The following DENND1C variants were observed in gnomAD, a reference collection of about 807,000 sequenced individuals.
DENND1C encodes DENN domain containing 1C, also known as DENN domain-containing protein 1C.
A neutral mutation model predicts 87.9 loss-of-function variants in DENND1C; 64 were observed. That is an observed-to-expected ratio of 0.73 (90% CI 0.60 to 0.90). The LOEUF is 0.90. DENND1C is among the 40% of genes least tolerant of loss of function. DENND1C has a pLI of 0.00. For synonymous variants in DENND1C, 384 were observed against 424.4 expected (o/e 0.90, Z 1.17); for missense variants, 980 against 1,037.0 (o/e 0.95, Z 0.76).
Position 6,468,339 on chromosome 19 carries a change from C to T in DENND1C, c.1686G>A (p.Glu562=). The T allele has an allele frequency of 6.2e-7, 1 of 1,613,868 alleles. No homozygotes were observed. Among genetic ancestry groups the T allele is most frequent in the Non-Finnish European group, 8.5e-7 (1 of 1,179,804 alleles). The change falls in exon 22 of 23, where the codon GAG becomes GAA. Residue 562 remains glutamate, a synonymous_variant. Coordinates refer to ENST00000381480, the MANE Select transcript of DENND1C (RefSeq NM_024898.4). ...GSGEELDLLS[E]ILDSLSMGAK... ...CTCCCATGCTAAGACTGTCCAGAATCTCGCTCAACAAATCCAGTTCTTCTC... is the reference window on the plus strand; with the variant it reads ...CTCCCATGCTAAGACTGTCCAGAATTTCGCTCAACAAATCCAGTTCTTCTC...
Position 6,472,924 on chromosome 19 carries a change from G to A in DENND1C, c.1123C>T (p.His375Tyr), listed in dbSNP as rs913045790. The A allele has an allele frequency of 3.8e-5, 60 of 1,592,652 alleles. No homozygotes were observed. The highest frequency in any genetic ancestry group is 4.8e-5 in the Non-Finnish European group (56 of 1,170,682). The change falls in exon 15 of 23, where the codon CAC becomes TAC. Residue 375 changes from histidine to tyrosine, a missense_variant. By Grantham distance (83) the His-to-Tyr change is moderately conservative. Coordinates refer to ENST00000381480, the MANE Select transcript of DENND1C (RefSeq NM_024898.4). ...AGCTGCAGGTGCACAGCCCGCCGGT[G>A]GAAGGCCTGCAGAGGTGCCCCAGGC... ...QKPGAPLQAF[H>Y]RRAVHLQLFK...
Position 6,475,912 on chromosome 19 carries a change from C to T in DENND1C, c.704G>A (p.Cys235Tyr), listed in dbSNP as rs2092857154. The T allele has an allele frequency of 6.4e-7, 1 of 1,570,400 alleles. No homozygotes were observed. The highest frequency in any genetic ancestry group is 2.3e-5 in the East Asian group (1 of 43,688). ...STLTSCVHASCALLYPMRWEH... is the reference protein window; with the variant it reads ...STLTSCVHASYALLYPMRWEH... ...CCAGCGCATGGGGTACAGGAGCGCG[C>T]AGGACGCGTGGACGCACGAGGTCAG... Residue 235 changes from cysteine to tyrosine, a missense_variant, in exon 11 of 23, where the codon TGC (cysteine) becomes TAC (tyrosine). By Grantham distance (194) the Cys-to-Tyr change is radical (BLOSUM62 -2). Coordinates refer to ENST00000381480, the MANE Select transcript of DENND1C (RefSeq NM_024898.4).
In DENND1C at chr19:6,471,314, AG is replaced by A. The variant is rs764482645; in HGVS notation, c.1250-10del. On this transcript the variant is annotated splice_polypyrimidine_tract_variant and intron_variant, in intron 16 of 22. Coordinates refer to ENST00000381480, the MANE Select transcript of DENND1C (RefSeq NM_024898.4). ...ATAGGATCGAAGGGCCCCTGGGGTA[AG>A]GAGAGAGTGTGGTGGTCACCGAAGG... 51 of 1,597,342 alleles carry A rather than the reference AG, an allele frequency of 3.2e-5. 1 individual carries two copies. In the South Asian group the frequency reaches 5.7e-4, roughly 18 times the overall value.
chr19:6,468,594 C>G lies in DENND1C; in HGVS notation c.1567G>C (p.Glu523Gln), dbSNP rs1050454693. Residue 523 changes from glutamate (E) to glutamine (Q), a missense_variant, in exon 21 of 23, where the codon GAG becomes CAG. Physicochemically the swap from Glu to Gln is conservative, Grantham distance 29 (BLOSUM62 2). Transcript: ENST00000381480. ...TTGCCTTACCCCGCCCCTGGGGGCT[C>G]GGAAGTTCCCTCTTCCAGCTGGCGT... ...RRRQLEEGTS[E>Q]PPGAGTPPLS... 3 of 1,526,210 alleles carry G rather than the reference C, an allele frequency of 2.0e-6. No individual in the cohort carries two copies. Among genetic ancestry groups the G allele is most frequent in the Non-Finnish European group, 1.8e-6 (2 of 1,139,084 alleles). The allele number at this position is 1,526,210 out of a possible 1,614,324, so 94.5% of individuals were successfully genotyped here.
rs1195448350 is a variant in DENND1C, at chr19:6,470,363, C to A, written c.1294G>T (p.Gly432Cys). The change falls in exon 18 of 23, where the codon GGT (glycine) becomes TGT (cysteine). Residue 432 changes from glycine (G) to cysteine (C), a missense_variant. Transcript: ENST00000381480. The part of the protein sequence containing the change: ...YQLWADNLKK[G>C]GGALLHSVKA... ...ACTGAGTGCAGGAGGGCGCCACCAC[C>A]TTTCTGCGGGAGAGAAGATACCAAG... 1 of 1,612,578 alleles carries A rather than the reference C, an allele frequency of 6.2e-7. No homozygotes were observed.
chr19:6,475,599 G>A lies in DENND1C; in HGVS notation c.826-14C>T, dbSNP rs759351233. The A allele has an allele frequency of 2.5e-6, 4 of 1,613,998 alleles. No individual in the cohort carries two copies. The South Asian group carries it at 3.3e-5, about 13-fold the overall frequency. On this transcript the variant is annotated splice_polypyrimidine_tract_variant and intron_variant, in intron 12 of 22. Transcript: ENST00000381480. ...TTCTCGTACTCTCTGCGGAAAAGCG[G>A]GGTCGGCCGCTCAGAGCCCGGGAGT...
chr19:6,481,732 C>CA lies in DENND1C; in HGVS notation c.-38dup. The CA allele has an allele frequency of 6.5e-7, 1 of 1,541,292 alleles. No homozygotes were observed. The highest frequency in any genetic ancestry group is 8.7e-7 in the Non-Finnish European group (1 of 1,147,360). On this transcript the variant is annotated 5_prime_UTR_variant, in exon 1 of 23. Transcript: ENST00000381480. Reference sequence around the variant, plus strand: ...GGCCAGCCCAGCGGGGCCCTCTCCCCAGGGGTCCTGGGGGCCTGTGTATGC... The same window carrying CA: ...GGCCAGCCCAGCGGGGCCCTCTCCCCAAGGGGTCCTGGGGGCCTGTGTATGC...
intron 14 of DENND1C, among the ~76,000 whole-genome samples, chr19:6,475,065 C>CAAACAAA (rs753588743): frequency 1.3e-5 from 2 of 148,992 alleles, no homozygotes; most frequent in Non-Finnish European, 3.0e-5. Context: ...AACAAACAAA[C>CAAACAAA]AACAACAACA....
chr19:6,476,929 C>T lies in DENND1C; in HGVS notation c.606G>A (p.Glu202=). ...LTELVVAVTD[E]NIVGLFAALL... is the part of the protein sequence containing the mutation. Reference sequence around the variant, plus strand: ...GCGCCGCGAACAGCCCCACGATGTTCTCGTCAGTCACGGCCACCACCAGCT... The same window carrying T: ...GCGCCGCGAACAGCCCCACGATGTTTTCGTCAGTCACGGCCACCACCAGCT... Residue 202 remains glutamate, a synonymous_variant, in exon 10 of 23, where the codon GAG becomes GAA. Coordinates refer to ENST00000381480, the MANE Select transcript of DENND1C (RefSeq NM_024898.4). 3 of 1,613,610 alleles carry T rather than the reference C, an allele frequency of 1.9e-6. No homozygotes were observed. Among genetic ancestry groups the T allele is most frequent in the Non-Finnish European group, 2.5e-6 (3 of 1,179,802 alleles).
rs747003613 is a variant in DENND1C, at chr19:6,468,342, G to C, written c.1683C>G (p.Ser561Arg). ...CCATGCTAAGACTGTCCAGAATCTCGCTCAACAAATCCAGTTCTTCTCCAG... is the reference window on the plus strand; with the variant it reads ...CCATGCTAAGACTGTCCAGAATCTCCCTCAACAAATCCAGTTCTTCTCCAG... Reference protein sequence around the residue: ...LGSGEELDLLSEILDSLSMGA... With the variant: ...LGSGEELDLLREILDSLSMGA... The change falls in exon 22 of 23, where the codon AGC (serine) becomes AGG (arginine). Residue 561 changes from serine (S) to arginine (R), a missense_variant. Transcript: ENST00000381480. The C allele has an allele frequency of 1.9e-6, 3 of 1,613,788 alleles. No homozygotes were observed. The East Asian group carries it at 6.7e-5, about 36-fold the overall frequency.
At chr19:6,471,177 C>G in intron 17 of DENND1C, 88 bp downstream of exon 17, 4 of 1,524,682 alleles carry the variant, frequency 2.6e-6, no homozygotes, top group Non-Finnish European at 2.7e-6. Flanking sequence ...AACTTCTGGT[C>G]GCAGCAATCC....
chr19:6,475,969 G>A, intron 10 of DENND1C, 32 bp from the exon 11 acceptor site: 1 of 1,516,950 alleles, frequency 6.6e-7, no homozygotes. Context: ...TGGAGTCAGG[G>A]CCTGGACCCT....
rs769187590 is a variant in DENND1C, at chr19:6,467,813, G to A, written c.2097C>T (p.Pro699=). 7 of 1,545,130 alleles carry A rather than the reference G, an allele frequency of 4.5e-6. No individual in the cohort carries two copies. Among genetic ancestry groups the A allele is most frequent in the South Asian group, 3.8e-5 (3 of 78,498 alleles). The stretch of plus-strand genomic sequence containing the variant: ...TGGGTGCAGTGGAGAGCCAGGGAGT[G>A]GGGTTTTCCTGGGCTGTAGAATCTT... ...AAEDSTAQEN[P]TPWLSTAPTE... The change falls in exon 23 of 23, where the codon CCC becomes CCT. Residue 699 remains proline, a synonymous_variant. Transcript: ENST00000381480.
chr19:6,476,984 C>A lies in DENND1C; in HGVS notation c.568-17G>T, dbSNP rs1305245788. ...TAGGTTCCTCTGAGGATCAGAGAGT[C>A]GCTCTGGGCGTGGACGGGCCCCTGG... On this transcript the variant is annotated splice_polypyrimidine_tract_variant and intron_variant, in intron 9 of 22. Transcript: ENST00000381480. 3.1e-6 allele frequency: 5 copies of A among 1,613,490 alleles called. No homozygotes were observed. The highest frequency in any genetic ancestry group is 4.2e-6 in the Non-Finnish European group (5 of 1,179,754).
chr19:6,480,124 G>T (rs1913443476), intron 1 of DENND1C, 73 bp from the exon 2 acceptor site: 1 of 1,546,036 alleles, frequency 6.5e-7, no homozygotes, highest in African/African-American at 1.4e-5. Flanking sequence ...TTGCACACAA[G>T]TGTGGTTGTG....
chr19:6,479,256 G>GTCCCTGTGTCCCTGT (rs1568401742), intron 4 of DENND1C, among the ~76,000 whole-genome samples, 200 bp from the exon 5 acceptor site: 1 of 144,490 alleles, frequency 6.9e-6, no homozygotes, highest in African/African-American at 2.9e-5. Flanking sequence ...TGAGTCCCTG[G>GTCCCTGTGTCCCTGT]GTCCCTGGAT....
chr19:6,470,280 C>A lies in DENND1C; in HGVS notation c.1362+15G>T, dbSNP rs770968855. On this transcript the variant is annotated intron_variant, in intron 18 of 22. Transcript: ENST00000381480. The stretch of plus-strand genomic sequence containing the variant: ...CGTCACCCCAGCAAGAGTGGCCTGT[C>A]CAGCTCAGCCTCACCGAGCGGTACA... The A allele has an allele frequency of 1.2e-6, 2 of 1,600,446 alleles. No homozygotes were observed. The highest frequency in any genetic ancestry group is 8.5e-7 in the Non-Finnish European group (1 of 1,173,952).
Position 6,477,417 on chromosome 19 carries a change from C to G in DENND1C, c.408G>C (p.Gln136His). 12 of 1,613,456 alleles carry G rather than the reference C, an allele frequency of 7.4e-6. No homozygotes were observed. Among genetic ancestry groups the G allele is most frequent in the Non-Finnish European group, 1.0e-5 (12 of 1,179,794 alleles). ...AEELLQNLFQQSLSGPQASVG... is the reference protein window; with the variant it reads ...AEELLQNLFQHSLSGPQASVG... ...CTGAGGCCTGGGGCCCAGACAGGGA[C>G]TGCTGAAACAGATTTTGAAGAAGTT... Residue 136 changes from glutamine (Q) to histidine (H), a missense_variant, in exon 7 of 23, where the codon CAG (glutamine) becomes CAC (histidine). Gln to His is a conservative substitution (Grantham distance 24). Transcript: ENST00000381480.
chr19:6,471,207 T>C, intron 17 of DENND1C, 58 bp downstream of exon 17: 1 of 1,548,292 alleles, frequency 6.5e-7, no homozygotes, highest in Non-Finnish European at 8.7e-7. Context: ...CACCTCCTAA[T>C]GTGTTGGGAT....
Sources: gnomAD v4.1 joint callset for allele counts (sites outside exome capture counted in the v4.1 genomes callset) on GRCh38, gnomAD v4.1.1 for gene constraint, MANE v1.5 for transcripts, NCBI Gene and HGNC (gene_info 2026-07-23, HGNC 2026-07-21) for gene names.